The following PXYLP1 variants were observed in gnomAD, a reference collection of about 807,000 sequenced individuals.
PXYLP1 encodes 2-phosphoxylose phosphatase 1, also known as acid phosphatase-like 2.
In PXYLP1, 17 loss-of-function variants were observed where a neutral mutation model predicts 37.9. The ratio of observed to expected loss-of-function variants is 0.45; its 90% confidence interval spans 0.31 to 0.67. PXYLP1 has a LOEUF of 0.67. PXYLP1 is among the 30% of genes least tolerant of loss of function. PXYLP1 has a pLI of 0.07. For synonymous variants in PXYLP1, 221 were observed against 232.2 expected (o/e 0.95, Z 0.44); for missense variants, 511 against 612.0 (o/e 0.84, Z 1.74).
intron 1 of PXYLP1, among the ~76,000 whole-genome samples, chr3:141,241,204 A>G (rs1200317468): frequency 1.3e-5 from 2 of 152,166 alleles, no homozygotes; most frequent in African/African-American, 4.8e-5. Context: ...TGAGTGGTAT[A>G]TTGATATACT....
chr3:141,258,714 C>A, intron 1 of PXYLP1: 1 of 165,058 alleles, frequency 6.1e-6, no homozygotes, highest in East Asian at 1.7e-4. Context: ...CAAACAAGCT[C>A]TATATTTGGT....
intron 1 of PXYLP1, among the ~76,000 whole-genome samples, chr3:141,234,718 AG>A (rs1940617448): frequency 6.6e-6 from 1 of 152,218 alleles, no homozygotes; most frequent in Admixed American, 6.5e-5. Context: ...GGCCACCCCC[AG>A]GCAGTACAGC....
chr3:141,238,968 C>T (rs555075067), intron 1 of PXYLP1, among the ~76,000 whole-genome samples: 6 of 151,108 alleles, frequency 4.0e-5, no homozygotes, highest in South Asian at 2.1e-4. Context: ...GTGGCAGAGG[C>T]GGAAGAGAAC....
At chr3:141,267,454 G>T (rs113542946) in intron 2 of PXYLP1, 36 of 152,204 alleles carry the variant, frequency 2.4e-4, no homozygotes, top group African/African-American at 8.2e-4. Flanking sequence ...CTGTCATATC[G>T]CCATCTCTTC....
intron 2 of PXYLP1, among the ~76,000 whole-genome samples, chr3:141,274,878 G>C (rs146326631): frequency 6.6e-6 from 1 of 152,162 alleles, no homozygotes; most frequent in Non-Finnish European, 1.5e-5. Context: ...GTCAGATTTC[G>C]GGAGCAGAGG....
chr3:141,283,418 C>T (rs1238014919), intron 4 of PXYLP1, among the ~76,000 whole-genome samples: 2 of 151,916 alleles, frequency 1.3e-5, no homozygotes, highest in Non-Finnish European at 2.9e-5. Flanking sequence ...GAGGGATGGG[C>T]CAAAACCAGA....
chr3:141,273,227 T>C, intron 2 of PXYLP1: 6 of 985,458 alleles, frequency 6.1e-6, no homozygotes, highest in Non-Finnish European at 7.2e-6. Flanking sequence ...ATCCCCAGCA[T>C]GTGCTCCATA....
chr3:141,262,669 C>A, intron 2 of PXYLP1: 1 of 1,532,192 alleles, frequency 6.5e-7, no homozygotes. Flanking sequence ...TTCTTGGATA[C>A]GTTGGAGATC....
Position 141,292,175 on chromosome 3 carries a change from A to G in PXYLP1, c.506-93A>G. 7.8e-7 allele frequency: 1 copy of G among 1,281,706 alleles called. No individual in the cohort carries two copies. The allele number at this position is 1,281,706 out of a possible 1,614,324, so 79.4% of individuals were successfully genotyped here. Reference sequence around the variant, plus strand: ...GGCTGGATGCCATTCTCTTGCCCTAAAACACTCCAGAGCCACACGCTGACT... The same window carrying G: ...GGCTGGATGCCATTCTCTTGCCCTAGAACACTCCAGAGCCACACGCTGACT... On this transcript the variant is annotated intron_variant, in intron 5 of 5. Coordinates refer to ENST00000286353, the MANE Select transcript of PXYLP1 (RefSeq NM_001037172.3). The surrounding 1 kb of genome is among the most constrained non-coding windows in gnomAD (Gnocchi z 4.3).
rs975034497 is a variant in PXYLP1, at chr3:141,243,224, T to C, written c.-54+11313T>C. On this transcript the variant is annotated intron_variant, in intron 1 of 5. Transcript: ENST00000286353. ...GAAAAACCCACCAGTTGTATGATGA[T>C]ACAGCCACAAGGACCCAGGAGGTTG... Among the ~76,000 whole-genome samples the C allele has an allele frequency of 7.9e-5, 12 of 152,328 alleles. No homozygotes were observed. The East Asian group carries it at 9.6e-4, about 12-fold the overall frequency.
intron 1 of PXYLP1, among the ~76,000 whole-genome samples, chr3:141,256,956 C>T (rs1511379): frequency 0.43 from 66,009 of 152,138 alleles, 16,856 homozygotes; most frequent in South Asian, 0.61. Context: ...GTCAGCAGTG[C>T]AGACTAGAAG....
intron 1 of PXYLP1, among the ~76,000 whole-genome samples, chr3:141,249,720 T>TA (rs1403962852): frequency 1.3e-5 from 2 of 152,182 alleles, no homozygotes; most frequent in Non-Finnish European, 2.9e-5. Context: ...TTGAGGTACT[T>TA]ATAGCTTCTC....
At chr3:141,244,005 C>A (rs56163421) in intron 1 of PXYLP1, among the ~76,000 whole-genome samples, 37,257 of 152,010 alleles carry the variant, frequency 0.25, 6,952 homozygotes, top group African/African-American at 0.53. Context: ...TATATGCGAG[C>A]AAATAAGCCT....
chr3:141,265,367 CCCTT>C (rs1941484372), intron 2 of PXYLP1, among the ~76,000 whole-genome samples: 2 of 151,728 alleles, frequency 1.3e-5, no homozygotes, highest in African/African-American at 4.8e-5. Flanking sequence ...ACATTTTGTG[CCCTT>C]CCTTACAGAA....
rs762823418 is a variant in PXYLP1 at position 141,287,292 on chromosome 3, ACT to A, written c.366-15_366-14del. 3.1e-6 allele frequency: 5 copies of A among 1,611,898 alleles called. No homozygotes were observed. Among genetic ancestry groups the A allele is most frequent in the East Asian group, 2.2e-5 (1 of 44,798 alleles). ...TTCTTGTGGAGCACTCTGACCTCTAACTCTCTCTATCATCTCTCTAGGAAACC... is the reference window on the plus strand; with the variant it reads ...TTCTTGTGGAGCACTCTGACCTCTAACTCTCTATCATCTCTCTAGGAAACC... On this transcript the variant is annotated intron_variant, in intron 4 of 5. Coordinates refer to ENST00000286353, the MANE Select transcript of PXYLP1 (RefSeq NM_001037172.3).
intron 1 of PXYLP1, among the ~76,000 whole-genome samples, chr3:141,253,417 A>T (rs146670081): frequency 5.5e-4 from 84 of 152,214 alleles, no homozygotes; most frequent in African/African-American, 1.9e-3. Flanking sequence ...GGCTCCTTTC[A>T]CAACCCAATA....
chr3:141,283,088 TC>T (rs1376179830), intron 4 of PXYLP1, among the ~76,000 whole-genome samples: 2 of 151,852 alleles, frequency 1.3e-5, no homozygotes, highest in African/African-American at 4.8e-5. Context: ...TGCCTCAGCC[TC>T]CCGAGTAGCT....
At chr3:141,271,415 G>A (rs1023564492) in intron 2 of PXYLP1, among the ~76,000 whole-genome samples, 6 of 152,174 alleles carry the variant, frequency 3.9e-5, no homozygotes, top group African/African-American at 1.4e-4. Context: ...GCCCAGTGTT[G>A]AAGTCCCAAA....
At chr3:141,274,666 T>TAAA (rs1338893878) in intron 2 of PXYLP1, 1 of 717,012 alleles carries the variant, frequency 1.4e-6, no homozygotes, top group African/African-American at 1.7e-5. Context: ...GCGGGGGATA[T>TAAA]AAATGTGAAA....
Sources: allele counts gnomAD v4.1 joint callset (sites outside exome capture counted in the v4.1 genomes callset), GRCh38; gene constraint gnomAD v4.1.1; non-coding constraint Gnocchi (gnomAD v3.1); transcripts MANE v1.5; gene names NCBI Gene and HGNC (gene_info 2026-07-23, HGNC 2026-07-21).